PDE4C: variants seen among roughly 807,000 people sequenced by gnomAD.
PDE4C encodes the protein 3',5'-cyclic-AMP phosphodiesterase 4C.
Under a neutral mutation model 63.9 loss-of-function variants are expected in PDE4C, and 50 were observed. The observed-to-expected ratio is 0.78, with a 90% CI of 0.62 to 0.99. The LOEUF is 0.99. PDE4C is among the 50% of genes least tolerant of loss of function. The pLI, the probability that PDE4C is intolerant of heterozygous loss-of-function variation, is 0.00. For missense variants in PDE4C, 777 were observed against 899.1 expected (o/e 0.86, Z 1.74); for synonymous variants, 377 against 385.1 (o/e 0.98, Z 0.25).
At chr19:18,223,806 G>A (rs1047607125) in intron 1 of PDE4C, among the ~76,000 whole-genome samples, 4 of 152,218 alleles carry the variant, frequency 2.6e-5, no homozygotes, top group Non-Finnish European at 5.9e-5. Flanking sequence ...AGCTTCTTGG[G>A]CTCTTCTACC....
At chr19:18,241,686 A>G (rs1568268405) in intron 1 of PDE4C, among the ~76,000 whole-genome samples, 2 of 152,080 alleles carry the variant, frequency 1.3e-5, no homozygotes, top group Non-Finnish European at 2.9e-5. Context: ...GGTAGCTGAG[A>G]CTACAGTCAC....
chr19:18,221,028 G>T, intron 4 of PDE4C, 77 bp downstream of exon 4: 1 of 1,116,022 alleles, frequency 9.0e-7, no homozygotes, highest in Non-Finnish European at 1.2e-6. Context: ...CGGAGCCCCA[G>T]CCTCAATTTG....
chr19:18,228,378 C>T (rs930247810), upstream of PDE4C, among the ~76,000 whole-genome samples: 11 of 152,006 alleles, frequency 7.2e-5, no homozygotes, highest in South Asian at 8.3e-4. Flanking sequence ...GATTTTCAGA[C>T]GAAACCTACA....
upstream of PDE4C, among the ~76,000 whole-genome samples, chr19:18,233,823 C>G (rs2148056274): frequency 6.6e-6 from 1 of 152,280 alleles, no homozygotes; most frequent in African/African-American, 2.4e-5. Context: ...GGCCCTCAAC[C>G]TTCCCCAGCA....
upstream of PDE4C, chr19:18,250,599 C>T: frequency 2.5e-6 from 1 of 396,434 alleles, no homozygotes. Context: ...CCAGTTGAGG[C>T]TGCCACTTTT....
chr19:18,226,596 T>C, upstream of PDE4C: 3 of 345,934 alleles, frequency 8.7e-6, no homozygotes, highest in Non-Finnish European at 1.0e-5. Context: ...CAGACGCAAC[T>C]CTCTGCTCCT....
intron 1 of PDE4C, among the ~76,000 whole-genome samples, chr19:18,240,755 G>T (rs1283549247): frequency 6.6e-6 from 1 of 152,192 alleles, no homozygotes. Flanking sequence ...TGAGGTCCAA[G>T]ACCATGCTGC....
exon 1 of PDE4C, chr19:18,233,563 T>G: frequency 2.0e-6 from 1 of 508,544 alleles, no homozygotes. Flanking sequence ...AAGACAGAAA[T>G]TGTCCACTGA....
chr19:18,208,002 T>A (rs1370009889), downstream of PDE4C: 1 of 152,202 alleles, frequency 6.6e-6, no homozygotes, highest in African/African-American at 2.4e-5. Flanking sequence ...TCTTTATACA[T>A]TTCCATTATT....
upstream of PDE4C, chr19:18,252,186 G>C (rs2148083093): frequency 2.5e-6 from 1 of 399,170 alleles, no homozygotes; most frequent in East Asian, 3.6e-5. Flanking sequence ...ATGGGAAGAG[G>C]GGGTGAGCTC....
chr19:18,240,062 C>G (rs1183335162), intron 1 of PDE4C, among the ~76,000 whole-genome samples: 1 of 151,750 alleles, frequency 6.6e-6, no homozygotes, highest in Non-Finnish European at 1.5e-5. Context: ...CTCCTGGGTT[C>G]AAGTGATTCT....
chr19:18,216,704 T>C, intron 12 of PDE4C, 37 bp downstream of exon 12: 1 of 1,226,136 alleles, frequency 8.2e-7, no homozygotes, highest in Non-Finnish European at 1.1e-6. Context: ...CCCGCTCCCC[T>C]CTGCCCCTCC....
chr19:18,217,170 T>C (rs973921051), intron 11 of PDE4C: 1 of 272,648 alleles, frequency 3.7e-6, no homozygotes, highest in Non-Finnish European at 6.9e-6. Flanking sequence ...TTTTTTTTTT[T>C]CTTTTTCTTT....
chr19:18,227,623 C>T (rs1968768909), upstream of PDE4C, among the ~76,000 whole-genome samples: 2 of 152,118 alleles, frequency 1.3e-5, no homozygotes, highest in South Asian at 4.1e-4. Flanking sequence ...AAAAGGAAAC[C>T]AAGGCTTAGC....
At chr19:18,253,222 T>C in the PDE4C span, among the ~76,000 whole-genome samples, 17 of 152,126 alleles carry the variant, frequency 1.1e-4, no homozygotes, top group Admixed American at 5.2e-4. Context: ...CCTCTGACAG[T>C]TCATCAGTCA....
chr19:18,244,606 G>A (rs1306000991), intron 1 of PDE4C, among the ~76,000 whole-genome samples: 5 of 151,914 alleles, frequency 3.3e-5, no homozygotes, highest in African/African-American at 1.2e-4. Flanking sequence ...TCCGCCTCCT[G>A]GGTTCAAGCG....
intron 12 of PDE4C, among the ~76,000 whole-genome samples, chr19:18,214,353 G>A (rs1479239429): frequency 6.6e-6 from 1 of 152,148 alleles, no homozygotes; most frequent in Admixed American, 6.6e-5. Flanking sequence ...AGGGGCTAGG[G>A]TGACTTGTGC....
intron 12 of PDE4C, among the ~76,000 whole-genome samples, chr19:18,216,178 A>G (rs542026816): frequency 4.6e-5 from 7 of 151,776 alleles, no homozygotes; most frequent in African/African-American, 1.7e-4. Context: ...CTGACACCCC[A>G]GAAACGGTTT....
intron 3 of PDE4C, 28 bp downstream of exon 3, chr19:18,221,233 C>CA: frequency 1.3e-6 from 2 of 1,546,150 alleles, no homozygotes; most frequent in Non-Finnish European, 1.7e-6. Context: ...CGGAGGGGGT[C>CA]AGGGCAGGGA....
Sources: allele counts gnomAD v4.1 joint callset (sites outside exome capture counted in the v4.1 genomes callset), GRCh38; gene constraint gnomAD v4.1.1; transcripts MANE v1.5; gene names NCBI Gene and HGNC (gene_info 2026-07-23, HGNC 2026-07-21).